The following HAPLN2 variants were observed in gnomAD, a reference collection of about 807,000 sequenced individuals.
The protein encoded by HAPLN2 is hyaluronan and proteoglycan link protein 2.
In HAPLN2, 27 loss-of-function variants were observed where a neutral mutation model predicts 29.3. The observed-to-expected ratio is 0.92, with a 90% CI of 0.68 to 1.27. The LOEUF is 1.27. HAPLN2 is among the 50% of genes most tolerant of loss of function. HAPLN2 has a pLI of 0.00. For synonymous variants in HAPLN2, 208 were observed against 211.7 expected (o/e 0.98, Z 0.15); for missense variants, 454 against 484.3 (o/e 0.94, Z 0.59).
At position 156,623,976 on chromosome 1, in the gene HAPLN2, C is replaced by T; in HGVS notation, c.255C>T (p.Ile85=). 6.2e-7 allele frequency: 1 copy of T among 1,607,608 alleles called. No individual in the cohort carries two copies. Among genetic ancestry groups the T allele is most frequent in the Non-Finnish European group, 8.5e-7 (1 of 1,176,970 alleles). The change falls in exon 4 of 7, where the codon ATC becomes ATT. Residue 85 remains isoleucine, a synonymous_variant. Coordinates refer to ENST00000255039, the MANE Select transcript of HAPLN2 (RefSeq NM_021817.3). Reference sequence around the variant, plus strand: ...AGCTCCGGGAAACGCTGATCCTCATCACCAACGGACTGCACGCCCGGGGGT... The same window carrying T: ...AGCTCCGGGAAACGCTGATCCTCATTACCAACGGACTGCACGCCCGGGGGT... The part of the protein sequence containing the change: ...PGELRETLIL[I]TNGLHARGYG...
the HAPLN2 span, among the ~76,000 whole-genome samples, chr1:156,608,144 G>A: frequency 1.3e-5 from 2 of 152,274 alleles, no homozygotes; most frequent in East Asian, 3.9e-4. Flanking sequence ...TACCATATTT[G>A]AGTCTCACTG....
the HAPLN2 span, among the ~76,000 whole-genome samples, chr1:156,608,003 A>G: frequency 7.9e-5 from 12 of 152,254 alleles, no homozygotes; most frequent in East Asian, 2.3e-3. Flanking sequence ...GCAGGTTCTA[A>G]TTTTCTGACT....
Position 156,625,526 on chromosome 1 carries a change from C to A in HAPLN2, c.*142C>A. Reference sequence around the variant, plus strand: ...GACCTGCCTTCCCAGCCGGGGGCTGCGGGCCTCGGACCCCGGCTGGCCCGG... The same window carrying A: ...GACCTGCCTTCCCAGCCGGGGGCTGAGGGCCTCGGACCCCGGCTGGCCCGG... On this transcript the variant is annotated 3_prime_UTR_variant, in exon 7 of 7. Transcript: ENST00000255039. The surrounding 1 kb of genome is among the most constrained non-coding windows in gnomAD (Gnocchi z 5.7). The A allele has an allele frequency of 1.2e-6, 1 of 855,886 alleles. No individual in the cohort carries two copies. The highest frequency in any genetic ancestry group is 1.6e-6 in the Non-Finnish European group (1 of 609,564). The allele number at this position is 855,886 out of a possible 1,614,324, so 53.0% of individuals were successfully genotyped here. A position where few individuals can be genotyped will look rare whatever the true frequency, so the allele number is the denominator to read the frequency against.
the HAPLN2 span, among the ~76,000 whole-genome samples, chr1:156,613,033 C>A: frequency 4.6e-5 from 7 of 152,178 alleles, no homozygotes; most frequent in Admixed American, 4.6e-4. Flanking sequence ...ATTTGAGAAA[C>A]AGGAATTTAA....
intron 2 of HAPLN2, among the ~76,000 whole-genome samples, chr1:156,621,965 A>C (rs949463470): frequency 4.0e-5 from 6 of 151,504 alleles, no homozygotes; most frequent in Admixed American, 2.0e-4. Context: ...AGAAAAAAAA[A>C]ACACAAAACA....
At chr1:156,621,315 G>A (rs1040593868) in intron 2 of HAPLN2, among the ~76,000 whole-genome samples, 1 of 151,602 alleles carries the variant, frequency 6.6e-6, no homozygotes, top group African/African-American at 2.4e-5. Flanking sequence ...ATGATGGCCA[G>A]GCTGGTCTTG....
chr1:156,614,789 A>G (rs1678021770), upstream of HAPLN2: 1 of 152,226 alleles, frequency 6.6e-6, no homozygotes, highest in African/African-American at 2.4e-5. Context: ...GCTGAGCAAA[A>G]ATACAGTTTA....
upstream of HAPLN2, among the ~76,000 whole-genome samples, chr1:156,616,132 A>G (rs1039326807): frequency 6.6e-6 from 1 of 152,100 alleles, no homozygotes; most frequent in Non-Finnish European, 1.5e-5. Context: ...GGATGGTGGA[A>G]GCGAGTGTGG....
chr1:156,611,410 C>CA, the HAPLN2 span, among the ~76,000 whole-genome samples: 1 of 151,802 alleles, frequency 6.6e-6, no homozygotes, highest in South Asian at 2.1e-4. Flanking sequence ...ACTAAAAATA[C>CA]AAAAAATAGC....
At chr1:156,606,310 G>A in the HAPLN2 span, among the ~76,000 whole-genome samples, 3 of 151,462 alleles carry the variant, frequency 2.0e-5, no homozygotes, top group Non-Finnish European at 4.4e-5. Context: ...GAATGTGGCG[G>A]CCCACGCCCA....
At chr1:156,614,776 A>C (rs760724058), upstream of HAPLN2, 5 of 152,206 alleles carry the variant, frequency 3.3e-5, no homozygotes, top group Non-Finnish European at 7.3e-5. Context: ...ATTTGGAGGG[A>C]TAGCTGAGCA....
chr1:156,623,049 T>A (rs2023367), intron 2 of HAPLN2, among the ~76,000 whole-genome samples: 2,814 of 99,714 alleles, frequency 0.028, 138 homozygotes, highest in South Asian at 0.078. Context: ...AATAAATAAA[T>A]AAATAAATAA....
chr1:156,613,051 A>G, the HAPLN2 span, among the ~76,000 whole-genome samples: 1 of 152,198 alleles, frequency 6.6e-6, no homozygotes, highest in African/African-American at 2.4e-5. Context: ...TAAACAGTCA[A>G]TAAGAAAAGA....
Position 156,625,277 on chromosome 1 carries a change from A to T in HAPLN2, c.916A>T (p.Thr306Ser). 1 of 1,576,126 alleles carries T rather than the reference A, an allele frequency of 6.3e-7. No individual in the cohort carries two copies. Among genetic ancestry groups the T allele is most frequent in the Non-Finnish European group, 8.6e-7 (1 of 1,162,018 alleles). Residue 306 changes from threonine (T) to serine (S), a missense_variant, in exon 7 of 7, where the codon ACG becomes TCG. Coordinates refer to ENST00000255039, the MANE Select transcript of HAPLN2 (RefSeq NM_021817.3). The surrounding 1 kb of genome is among the most constrained non-coding windows in gnomAD (Gnocchi z 5.7). ...ADGSVRFPIT[T>S]PRPRCGGLPD... ...CGGCAGTGTGCGCTTCCCAATCACC[A>T]CGCCGAGGCCGCGCTGCGGGGGGCT...
chr1:156,611,259 G>A, the HAPLN2 span, among the ~76,000 whole-genome samples: 1 of 95,388 alleles, frequency 1.0e-5, no homozygotes, highest in Non-Finnish European at 2.1e-5. Context: ...GGGCCAGAGT[G>A]AGACCCTAAA....
At chr1:156,607,573 A>G in the HAPLN2 span, among the ~76,000 whole-genome samples, 2 of 152,168 alleles carry the variant, frequency 1.3e-5, no homozygotes, top group Non-Finnish European at 2.9e-5. Context: ...CCAGGGGAAG[A>G]CCTTCAGGAG....
Position 156,625,164 on chromosome 1 carries a change from G to T in HAPLN2, c.803G>T (p.Arg268Leu). 6.5e-7 allele frequency: 1 copy of T among 1,544,750 alleles called. No homozygotes were observed. ...GAAGCCCACGCGGCGTGCCGGCGAC[G>T]CGGCGCCGTGGTGGCCAAGGTTGGG... ...LSEAHAACRR[R>L]GAVVAKVGHL... The change falls in exon 7 of 7, where the codon CGC (arginine) becomes CTC (leucine). Residue 268 changes from arginine to leucine, a missense_variant. Physicochemically the swap from Arg to Leu is moderately radical, Grantham distance 102 (BLOSUM62 -2). This residue lies in a region of HAPLN2 where 235 missense variants were observed against 236.9 expected (regional missense o/e 0.99). Coordinates refer to ENST00000255039, the MANE Select transcript of HAPLN2 (RefSeq NM_021817.3). This position sits in a 1 kb window ranked among gnomAD's most constrained non-coding sequence, Gnocchi z 5.7.
At chr1:156,613,178 G>A in the HAPLN2 span, among the ~76,000 whole-genome samples, 3 of 151,928 alleles carry the variant, frequency 2.0e-5, no homozygotes, top group African/African-American at 7.3e-5. Context: ...GCGAAACCCT[G>A]TCTCTACTAA....
chr1:156,611,128 C>CA, the HAPLN2 span, among the ~76,000 whole-genome samples: 2 of 151,322 alleles, frequency 1.3e-5, no homozygotes, highest in Non-Finnish European at 2.9e-5. Context: ...CAGAAAAATA[C>CA]AAAAATCAGC....
Sources: gnomAD v4.1 joint callset for allele counts (sites outside exome capture counted in the v4.1 genomes callset) on GRCh38, gnomAD v4.1.1 for gene constraint, gnomAD v4.1.1 regional missense constraint, Gnocchi (gnomAD v3.1) non-coding constraint, MANE v1.5 for transcripts, NCBI Gene and HGNC (gene_info 2026-07-23, HGNC 2026-07-21) for gene names.